OGG1: variants seen among roughly 807,000 people sequenced by gnomAD.
OGG1 encodes N-glycosylase/DNA lyase.
Under a neutral mutation model 42.3 loss-of-function variants are expected in OGG1, and 35 were observed. The observed-to-expected ratio is 0.83, with a 90% CI of 0.63 to 1.10. OGG1 has a LOEUF of 1.10. Ranked by LOEUF, OGG1 falls within the 50% of genes least tolerant of loss-of-function variation. The pLI, the probability that OGG1 is intolerant of heterozygous loss-of-function variation, is 0.00. For synonymous variants in OGG1, 189 were observed against 179.0 expected (o/e 1.06, Z -0.44); for missense variants, 484 against 446.7 (o/e 1.08, Z -0.75).
chr3:9,757,199 C>T lies in OGG1; in HGVS notation c.*49C>T, dbSNP rs1312332995. 1 of 1,613,778 alleles carries T rather than the reference C, an allele frequency of 6.2e-7. No individual in the cohort carries two copies. The highest frequency in any genetic ancestry group is 2.2e-5 in the East Asian group (1 of 44,872). ...TTCCCCAAGCACCTTCCCCTCCATT[C>T]CCCACTTCTCTCTCCCCATCCCCAC... is the stretch of plus-strand genomic sequence containing the variant. On this transcript the variant is annotated 3_prime_UTR_variant, in exon 7 of 7. Coordinates refer to ENST00000344629, the MANE Select transcript of OGG1 (RefSeq NM_002542.6). This position sits in a 1 kb window ranked among gnomAD's most constrained non-coding sequence, Gnocchi z 4.5.
In OGG1 at chr3:9,750,010, G is replaced by A; in HGVS notation, c.-277G>A. The stretch of plus-strand genomic sequence containing the variant: ...AAGAACACAGCTGTGCGCGCCCACA[G>A]GCTCTGGGGGCGGGAGAAGATAAGT... On this transcript the variant is annotated 5_prime_UTR_variant, in exon 1 of 7. Coordinates refer to ENST00000344629, the MANE Select transcript of OGG1 (RefSeq NM_002542.6). The A allele has an allele frequency of 1.9e-6, 1 of 513,970 alleles. No individual in the cohort carries two copies. Among genetic ancestry groups the A allele is most frequent in the Non-Finnish European group, 3.5e-6 (1 of 286,066 alleles). 31.8% of individuals were successfully genotyped at this position (513,970 alleles called of 1,614,324 possible).
downstream of OGG1, chr3:9,767,922 A>G (rs2078200157): frequency 1.6e-6 from 2 of 1,252,880 alleles, no homozygotes; most frequent in African/African-American, 3.0e-5. Flanking sequence ...ACAAACATTC[A>G]TTTGTTTATT....
intron 7 of OGG1, chr3:9,763,308 A>G: frequency 1.3e-6 from 2 of 1,501,706 alleles, no homozygotes; most frequent in Non-Finnish European, 9.1e-7. Flanking sequence ...CAGGAGGATC[A>G]CTTGGCCCCA....
At position 9,754,751 on chromosome 3, in the gene OGG1, GC is replaced by G. The variant is rs747823283; in HGVS notation, c.616del (p.Arg206ValfsTer3). The G allele has an allele frequency of 1.5e-5, 24 of 1,614,054 alleles. No homozygotes were observed. The South Asian group carries it at 2.6e-4, about 18-fold the overall frequency. The part of the protein sequence containing the change: ...HLRKLGLGYR[A>X]RYVSASARAI... Reference sequence around the variant, plus strand: ...CAGGAAGCTGGGCCTGGGCTATCGTGCCCGTTACGTGAGTGCCAGTGCCCGA... The same window carrying G: ...CAGGAAGCTGGGCCTGGGCTATCGTGCCGTTACGTGAGTGCCAGTGCCCGA... On this transcript the variant is annotated frameshift_variant, in exon 4 of 7. Coordinates refer to ENST00000344629, the MANE Select transcript of OGG1 (RefSeq NM_002542.6). LOFTEE classifies it high-confidence loss of function.
intron 3 of OGG1, chr3:9,781,651 TTCA>T (rs1559715453): frequency 2.3e-6 from 1 of 436,234 alleles, no homozygotes. Flanking sequence ...ATTTATACAT[TTCA>T]TCGATGGTGG....
chr3:9,757,417 G>C (rs1014233437), downstream of OGG1: 46 of 1,608,962 alleles, frequency 2.9e-5, no homozygotes, highest in Admixed American at 1.0e-4. The surrounding 1 kb of genome is among the most constrained non-coding windows in gnomAD (Gnocchi z 4.5). Context: ...ATGCAGTGAG[G>C]AGTGGTAGGG....
chr3:9,775,547 T>C (rs2078353742), intron 2 of OGG1, among the ~76,000 whole-genome samples: 2 of 152,176 alleles, frequency 1.3e-5, no homozygotes, highest in Admixed American at 1.3e-4. Flanking sequence ...AGTGGCTCCC[T>C]GTTACTTCAG....
At chr3:9,750,912 G>T in intron 1 of OGG1, 33 bp from the exon 2 acceptor site, 1 of 1,613,200 alleles carries the variant, frequency 6.2e-7, no homozygotes, top group South Asian at 1.1e-5. Context: ...AAAGGAAATT[G>T]AGTGCCAGGG....
At chr3:9,762,867 GC>G (rs756909249) in intron 7 of OGG1, 6 of 1,595,338 alleles carry the variant, frequency 3.8e-6, no homozygotes, top group Non-Finnish European at 5.2e-6. Flanking sequence ...GTTTGCAAAG[GC>G]CCCACCCCTG....
chr3:9,750,762 G>A (rs1378757451), intron 1 of OGG1, 183 bp from the exon 2 acceptor site: 10 of 803,978 alleles, frequency 1.2e-5, no homozygotes, highest in African/African-American at 1.2e-4. Context: ...ACAGGTGTGC[G>A]CCATGCCCGG....
In OGG1 at chr3:9,763,403, C is replaced by CAA. The variant is rs571944870; in HGVS notation, c.1049-2388_1049-2387dup. 3.2e-3 allele frequency: 242 copies of CAA among 76,066 alleles called. 2 individuals carry two copies. Among genetic ancestry groups the CAA allele is most frequent in the Admixed American group, 0.016 (101 of 6,386 alleles). The allele number at this position is 76,066 out of a possible 1,614,324, so 4.7% of individuals were successfully genotyped here. A position where few individuals can be genotyped will look rare whatever the true frequency, so the allele number is the denominator to read the frequency against. On this transcript the variant is annotated intron_variant, in intron 7 of 7. Coordinates refer to the OGG1 transcript ENST00000302008. Reference sequence around the variant, plus strand: ...TGGGCAACAGAGTAAGACCCTGTCTCAAAAAAAAAAAAAAAAAAACAGCGG... The same window carrying CAA: ...TGGGCAACAGAGTAAGACCCTGTCTCAAAAAAAAAAAAAAAAAAAAACAGCGG...
At chr3:9,753,913 G>C (rs2077422135) in intron 3 of OGG1, among the ~76,000 whole-genome samples, 1 of 152,102 alleles carries the variant, frequency 6.6e-6, no homozygotes, top group Non-Finnish European at 1.5e-5. Flanking sequence ...CAAGGTGGGA[G>C]GATGGCTTGA....
At chr3:9,765,629 A>T in intron 7 of OGG1, 1 of 1,073,194 alleles carries the variant, frequency 9.3e-7, no homozygotes, top group Non-Finnish European at 1.4e-6. Flanking sequence ...GGAAATTGTG[A>T]TCCCCATTTT....
chr3:9,769,651 C>G (rs1027705294), downstream of OGG1, among the ~76,000 whole-genome samples: 1 of 152,212 alleles, frequency 6.6e-6, no homozygotes, highest in Non-Finnish European at 1.5e-5. Context: ...CCCATAGGCC[C>G]GCCTGGCACC....
intron 3 of OGG1, among the ~76,000 whole-genome samples, chr3:9,782,829 T>C (rs2078511197): frequency 6.7e-6 from 1 of 150,282 alleles, no homozygotes; most frequent in Non-Finnish European, 1.5e-5. Flanking sequence ...GAATGTGCCC[T>C]GTCCTGTCAG....
chr3:9,786,382 A>T (rs1381355323), intron 3 of OGG1, among the ~76,000 whole-genome samples: 1 of 152,184 alleles, frequency 6.6e-6, no homozygotes, highest in Non-Finnish European at 1.5e-5. Context: ...ATAACCTGCA[A>T]CATGTACCCA....
At position 9,783,866 on chromosome 3, in the gene OGG1, C is replaced by T; in HGVS notation, c.382+2266C>T. ...CTGTGGAATCAGAATTTGTTTGGGA[C>T]ATACCCGGTGGACTGGCCACTGCTG... On this transcript the variant is annotated intron_variant, in intron 3 of 3. Transcript: ENST00000426518. 4.7e-6 allele frequency: 6 copies of T among 1,266,032 alleles called. No individual in the cohort carries two copies. In the South Asian group the frequency reaches 8.5e-5, roughly 18 times the overall value. 78.4% of individuals were successfully genotyped at this position (1,266,032 alleles called of 1,614,324 possible). A position where few individuals can be genotyped will look rare whatever the true frequency, so the allele number is the denominator to read the frequency against.
downstream of OGG1, chr3:9,760,991 T>C: frequency 1.8e-6 from 1 of 559,544 alleles, no homozygotes; most frequent in Non-Finnish European, 3.1e-6. Context: ...CACTTGCCAT[T>C]GCTTCTGCCT....
At chr3:9,759,339 AAG>A (rs2077737106), downstream of OGG1, 13 of 1,561,576 alleles carry the variant, frequency 8.3e-6, no homozygotes, top group South Asian at 1.4e-4. Context: ...TGTTGAATGA[AAG>A]AGTGAATGAA....
Sources: allele counts gnomAD v4.1 joint callset (sites outside exome capture counted in the v4.1 genomes callset), GRCh38; gene constraint gnomAD v4.1.1; non-coding constraint Gnocchi (gnomAD v3.1); transcripts MANE v1.5; gene names NCBI Gene and HGNC (gene_info 2026-07-23, HGNC 2026-07-21).